Variants in EPHA3 observed in about 807,000 individuals in gnomAD.
EPHA3 encodes the protein ephrin type-A receptor 3.
EPHA3 carries 42 observed loss-of-function variants against 107.1 expected under a neutral mutation model. The ratio of observed to expected loss-of-function variants is 0.39; its 90% CI spans 0.31 to 0.51. EPHA3 has a LOEUF of 0.51. Among genes scored for constraint, EPHA3 ranks in the 20% least tolerant of loss-of-function variants. The probability of loss-of-function intolerance (pLI) is 0.78; values close to 1 mark genes in which losing one functional copy is unlikely to be tolerated. For missense variants in EPHA3, 1,183 were observed against 1,211.2 expected (o/e 0.98, Z 0.35); for synonymous variants, 461 against 424.8 (o/e 1.09, Z -1.05).
At chr3:89,131,863 A>G (rs1444043788) in intron 2 of EPHA3, among the ~76,000 whole-genome samples, 1 of 152,174 alleles carries the variant, frequency 6.6e-6, no homozygotes, top group Non-Finnish European at 1.5e-5. Context: ...TTGCCCACCC[A>G]ATATCTGTTC....
At chr3:89,250,267 G>A (rs1705129990) in intron 3 of EPHA3, among the ~76,000 whole-genome samples, 1 of 152,144 alleles carries the variant, frequency 6.6e-6, no homozygotes, top group Non-Finnish European at 1.5e-5. Context: ...TATTTCTTGA[G>A]TGGAATCATG....
At chr3:89,424,688 A>T (rs1709422310) in intron 11 of EPHA3, among the ~76,000 whole-genome samples, 1 of 151,446 alleles carries the variant, frequency 6.6e-6, no homozygotes, top group Admixed American at 6.6e-5. Flanking sequence ...GGAAAGGAGA[A>T]AAAAACAAAA....
At chr3:89,425,346 ATCT>A (rs1709433550) in intron 11 of EPHA3, among the ~76,000 whole-genome samples, 1 of 150,482 alleles carries the variant, frequency 6.6e-6, no homozygotes, top group South Asian at 2.1e-4. Context: ...GATGATTCAA[ATCT>A]TCTTTCCTGG....
chr3:89,354,874 C>CA (rs1707910445), intron 5 of EPHA3, among the ~76,000 whole-genome samples: 1 of 150,856 alleles, frequency 6.6e-6, no homozygotes, highest in African/African-American at 2.4e-5. Flanking sequence ...AGGCTTTGCA[C>CA]AAAATCTAAG....
At chr3:89,344,590 A>G (rs1233282868) in intron 5 of EPHA3, among the ~76,000 whole-genome samples, 1 of 151,984 alleles carries the variant, frequency 6.6e-6, no homozygotes, top group Non-Finnish European at 1.5e-5. Flanking sequence ...GTTTTCCTTT[A>G]TTTTTGTTCT....
chr3:89,146,862 G>A (rs2107031236), intron 2 of EPHA3, among the ~76,000 whole-genome samples: 1 of 151,816 alleles, frequency 6.6e-6, no homozygotes, highest in East Asian at 1.9e-4. Flanking sequence ...TATGCATATG[G>A]CTAGCCAGTT....
chr3:89,376,708 A>G (rs559657527), intron 5 of EPHA3, among the ~76,000 whole-genome samples: 15 of 152,194 alleles, frequency 9.9e-5, no homozygotes, highest in African/African-American at 3.4e-4. Flanking sequence ...AAGACTAAAG[A>G]AAGGTTGATA....
chr3:89,413,083 C>A (rs929295509), intron 9 of EPHA3, 58 bp from the exon 10 acceptor site: 10 of 1,599,696 alleles, frequency 6.3e-6, no homozygotes, highest in Non-Finnish European at 7.7e-6. Context: ...AAAATTTGAT[C>A]TATAATTGTT....
At position 89,399,384 on chromosome 3, in the gene EPHA3, A is replaced by C. The variant is rs764206594; in HGVS notation, c.1498A>C (p.Lys500Gln). ...CACAAATGTTACCATCAGTAGCCTC[A>C]AGCCTGACACTATATACGTATTCCA... The part of the protein sequence containing the change: ...RGTNVTISSL[K>Q]PDTIYVFQIR... The change falls in exon 7 of 17, where the codon AAG (lysine) becomes CAG (glutamine). Residue 500 changes from lysine to glutamine, a missense_variant. Coordinates refer to ENST00000336596, the MANE Select transcript of EPHA3 (RefSeq NM_005233.6). 1 of 1,614,154 alleles carries C rather than the reference A, an allele frequency of 6.2e-7. No individual in the cohort carries two copies. The highest frequency in any genetic ancestry group is 8.5e-7 in the Non-Finnish European group (1 of 1,180,018).
At chr3:89,218,111 T>C (rs992391807) in intron 3 of EPHA3, among the ~76,000 whole-genome samples, 1 of 152,160 alleles carries the variant, frequency 6.6e-6, no homozygotes, top group Non-Finnish European at 1.5e-5. Flanking sequence ...GATATAGTTC[T>C]GGCTGTAAAG....
intron 3 of EPHA3, among the ~76,000 whole-genome samples, chr3:89,295,009 G>A (rs1265386431): frequency 2.0e-5 from 3 of 152,052 alleles, no homozygotes; most frequent in Non-Finnish European, 2.9e-5. Context: ...TTTGTTACAT[G>A]GATTCAGAGA....
intron 5 of EPHA3, among the ~76,000 whole-genome samples, chr3:89,364,968 A>G (rs902559230): frequency 4.0e-5 from 6 of 150,990 alleles, no homozygotes; most frequent in African/African-American, 1.5e-4. Flanking sequence ...TATTTGTTGC[A>G]TACTGTTATG....
intron 2 of EPHA3, among the ~76,000 whole-genome samples, chr3:89,137,460 T>C (rs1314390542): frequency 6.6e-6 from 1 of 152,022 alleles, no homozygotes; most frequent in Non-Finnish European, 1.5e-5. Flanking sequence ...AAATTAAATT[T>C]AGTCTATAAA....
chr3:89,394,893 A>AG (rs1419048996), intron 5 of EPHA3, among the ~76,000 whole-genome samples: 3 of 152,338 alleles, frequency 2.0e-5, no homozygotes, highest in African/African-American at 7.2e-5. Flanking sequence ...ACTGAACTCC[A>AG]GTGAGACATT....
intron 3 of EPHA3, among the ~76,000 whole-genome samples, chr3:89,241,761 C>A (rs778766074): frequency 1.3e-4 from 20 of 152,196 alleles, no homozygotes; most frequent in Middle Eastern, 3.4e-3. Flanking sequence ...TCTGAATAGT[C>A]TATTATTTCT....
At chr3:89,417,223 C>T (rs1379556265) in intron 10 of EPHA3, among the ~76,000 whole-genome samples, 1 of 151,372 alleles carries the variant, frequency 6.6e-6, no homozygotes, top group Non-Finnish European at 1.5e-5. Flanking sequence ...AAGATAGGTA[C>T]AGAGAGGTTA....
At chr3:89,332,887 T>C (rs904170356) in intron 3 of EPHA3, among the ~76,000 whole-genome samples, 2 of 147,656 alleles carry the variant, frequency 1.4e-5, no homozygotes, top group Non-Finnish European at 2.9e-5. Context: ...AAATGAGCCT[T>C]TTAACCCTTA....
At chr3:89,467,255 C>T (rs1382681716) in intron 15 of EPHA3, among the ~76,000 whole-genome samples, 2 of 152,056 alleles carry the variant, frequency 1.3e-5, no homozygotes, top group African/African-American at 2.4e-5. Context: ...TATTACTATT[C>T]TCAAACAATA....
At chr3:89,315,274 A>G (rs1178066516) in intron 3 of EPHA3, among the ~76,000 whole-genome samples, 3 of 151,824 alleles carry the variant, frequency 2.0e-5, no homozygotes, top group Admixed American at 6.6e-5. Context: ...AAAATATAAT[A>G]TCTTATAATG....
Sources: gnomAD v4.1 joint callset for allele counts (sites outside exome capture counted in the v4.1 genomes callset) on GRCh38, gnomAD v4.1.1 for gene constraint, MANE v1.5 for transcripts, NCBI Gene and HGNC (gene_info 2026-07-23, HGNC 2026-07-21) for gene names.